The following PCDHA9 variants were observed in gnomAD, a reference collection of about 807,000 sequenced individuals.
PCDHA9 encodes the protein protocadherin alpha 9.
In PCDHA9, 62 loss-of-function variants were observed where a neutral mutation model predicts 62.0. The ratio of observed to expected loss-of-function variants is 1.00; its 90% confidence interval spans 0.81 to 1.23. The LOEUF is 1.23. Among genes scored for constraint, PCDHA9 ranks in the 50% most tolerant of loss-of-function variants. The pLI is 0.00. For synonymous variants in PCDHA9, 557 were observed against 567.6 expected (o/e 0.98, Z 0.27); for missense variants, 1,205 against 1,249.8 (o/e 0.96, Z 0.54).
In PCDHA9 at chr5:140,850,468, C is replaced by G. The variant is rs2150485398; in HGVS notation, c.1973C>G (p.Ala658Gly). 1.3e-5 allele frequency: 20 copies of G among 1,597,798 alleles called. 4 individuals carry two copies. The highest frequency in any genetic ancestry group is 1.6e-5 in the Non-Finnish European group (19 of 1,167,656). Residue 658 changes from alanine (A) to glycine (G), a missense_variant, in exon 1 of 4, where the codon GCG becomes GGG. Physicochemically the swap from Ala to Gly is moderately conservative, Grantham distance 60. Around this residue, in one of 3 missense-constraint regions of PCDHA9, gnomAD observed 887 missense variants for 809.5 expected, o/e 1.10. Transcript: ENST00000532602. The part of the protein sequence containing the change: ...LVLVKDHGEP[A>G]LTATATVLVS... Reference sequence around the variant, plus strand: ...CTGGTGAAAGACCACGGGGAGCCAGCGCTGACGGCCACGGCCACTGTGCTG... The same window carrying G: ...CTGGTGAAAGACCACGGGGAGCCAGGGCTGACGGCCACGGCCACTGTGCTG...
At chr5:140,977,448 CTCCTT>C (rs1554238572) in intron 1 of PCDHA9, among the ~76,000 whole-genome samples, 2 of 152,212 alleles carry the variant, frequency 1.3e-5, no homozygotes, top group Non-Finnish European at 2.9e-5. Context: ...ATAATGGAAA[CTCCTT>C]TGATTTGGTC....
chr5:140,897,720 G>A (rs1457512042), intron 1 of PCDHA9, among the ~76,000 whole-genome samples: 1 of 152,086 alleles, frequency 6.6e-6, no homozygotes, highest in Non-Finnish European at 1.5e-5. Context: ...GGGATGGCTG[G>A]GTCAAATAGT....
intron 1 of PCDHA9, among the ~76,000 whole-genome samples, chr5:140,926,036 C>A (rs2082873940): frequency 6.6e-6 from 1 of 152,168 alleles, no homozygotes; most frequent in South Asian, 2.1e-4. Context: ...TTGATGCGGA[C>A]ACTATTCCCC....
intron 1 of PCDHA9, among the ~76,000 whole-genome samples, chr5:140,933,444 A>T (rs1478759836): frequency 1.3e-5 from 2 of 152,184 alleles, no homozygotes; most frequent in African/African-American, 4.8e-5. Flanking sequence ...CTAATGACAT[A>T]CCTTCAAAAT....
chr5:140,967,528 T>C, intron 1 of PCDHA9: 3 of 1,613,146 alleles, frequency 1.9e-6, no homozygotes, highest in Non-Finnish European at 2.5e-6. Context: ...ACGACAACTC[T>C]CCTGCCTTTG....
At chr5:140,991,228 T>C (rs2097439456) in intron 3 of PCDHA9, among the ~76,000 whole-genome samples, 1 of 152,220 alleles carries the variant, frequency 6.6e-6, no homozygotes, top group African/African-American at 2.4e-5. Flanking sequence ...CATTAATAAA[T>C]GCAGTGGTAA....
intron 1 of PCDHA9, chr5:140,862,550 G>C: frequency 2.2e-6 from 1 of 458,462 alleles, no homozygotes. Flanking sequence ...GGAAGTGGCC[G>C]AACAGTGAAC....
intron 1 of PCDHA9, among the ~76,000 whole-genome samples, chr5:140,886,827 G>GAAA (rs782016620): frequency 3.3e-5 from 2 of 60,922 alleles, no homozygotes; most frequent in Non-Finnish European, 6.7e-5. Flanking sequence ...ACTTCGTCTT[G>GAAA]AAAAAAAAAA....
chr5:140,920,841 T>TAA (rs781921146), intron 1 of PCDHA9, among the ~76,000 whole-genome samples: 36 of 109,202 alleles, frequency 3.3e-4, no homozygotes, highest in African/African-American at 8.5e-4. Flanking sequence ...AGACCAAATC[T>TAA]AAAAAAAAAA....
intron 3 of PCDHA9, among the ~76,000 whole-genome samples, chr5:140,994,938 C>T (rs2097656507): frequency 6.6e-6 from 1 of 152,232 alleles, no homozygotes; most frequent in East Asian, 1.9e-4. Context: ...CCTTAAACAT[C>T]CTGCTAAATA....
At position 140,946,611 on chromosome 5, in the gene PCDHA9, A is replaced by AATATATATATATATATATATATATAT. The variant is rs1554217734; in HGVS notation, c.2395-32317_2395-32316insTATATATATATATATATATATATATA. Among the ~76,000 whole-genome samples, 847 of 86,186 alleles carry AATATATATATATATATATATATATAT rather than the reference A, an allele frequency of 9.8e-3. 28 individuals carry two copies. The highest frequency in any genetic ancestry group is 0.012 in the Non-Finnish European group (550 of 46,284). The allele number at this position is 86,186 out of a possible 152,430, so 56.5% of individuals were successfully genotyped here. ...GGATGAATAGATAAAGAAAATGTGA[A>AATATATATATATATATATATATATAT]ATATATATATATATATATATACAAT... On this transcript the variant is annotated intron_variant, in intron 1 of 3. Coordinates refer to ENST00000532602, the MANE Select transcript of PCDHA9 (RefSeq NM_031857.2).
At chr5:140,995,203 T>G (rs2097669345) in intron 3 of PCDHA9, among the ~76,000 whole-genome samples, 2 of 152,180 alleles carry the variant, frequency 1.3e-5, no homozygotes, top group African/African-American at 2.4e-5. Flanking sequence ...ATTTATAAAT[T>G]AGGCACAATA....
intron 3 of PCDHA9, among the ~76,000 whole-genome samples, chr5:140,998,480 G>A (rs782244125): frequency 6.6e-6 from 1 of 151,974 alleles, no homozygotes; most frequent in Non-Finnish European, 1.5e-5. Context: ...CCACTGTGCT[G>A]TAACTCTTTG....
chr5:140,979,060 C>T, intron 2 of PCDHA9, 53 bp downstream of exon 2: 1 of 1,606,180 alleles, frequency 6.2e-7, no homozygotes, highest in Non-Finnish European at 8.5e-7. Context: ...TGGTATGGCT[C>T]AGATAAACTG....
At chr5:140,963,615 T>A (rs2095780964) in intron 1 of PCDHA9, among the ~76,000 whole-genome samples, 1 of 152,248 alleles carries the variant, frequency 6.6e-6, no homozygotes, top group African/African-American at 2.4e-5. Context: ...TGGGAAAGCT[T>A]AACTTTGTTG....
chr5:140,933,522 T>A (rs1399438253), intron 1 of PCDHA9, among the ~76,000 whole-genome samples: 3 of 152,066 alleles, frequency 2.0e-5, no homozygotes, highest in Non-Finnish European at 4.4e-5. Flanking sequence ...AGCTGTTTTG[T>A]TTAAACTCAA....
intron 1 of PCDHA9, among the ~76,000 whole-genome samples, chr5:140,917,324 C>CGGGG (rs1299895515): frequency 3.9e-5 from 3 of 76,180 alleles, no homozygotes; most frequent in African/African-American, 8.6e-5. Context: ...GTTCATGTGG[C>CGGGG]GGGGGAGGGG....
intron 1 of PCDHA9, among the ~76,000 whole-genome samples, chr5:140,893,592 C>G (rs2064074430): frequency 6.6e-6 from 1 of 152,154 alleles, no homozygotes; most frequent in Non-Finnish European, 1.5e-5. Flanking sequence ...TTGGGAAATA[C>G]TTTATTTCTC....
chr5:140,938,034 A>G (rs541380016), intron 1 of PCDHA9, among the ~76,000 whole-genome samples: 2 of 152,160 alleles, frequency 1.3e-5, no homozygotes, highest in South Asian at 4.2e-4. Flanking sequence ...TCATATTTTT[A>G]TATTTTGGGT....
Sources: allele counts gnomAD v4.1 joint callset (sites outside exome capture counted in the v4.1 genomes callset), GRCh38; gene constraint gnomAD v4.1.1; regional missense constraint gnomAD v4.1.1; transcripts MANE v1.5; gene names NCBI Gene and HGNC (gene_info 2026-07-23, HGNC 2026-07-21).